The following SLC22A25 variants were observed in gnomAD, a reference collection of about 807,000 sequenced individuals.
The protein encoded by SLC22A25 is solute carrier family 22 member 25, also known as MGI:2442751, MGI:2385316, MGI:3042283, MGI:3645714, MGI:3605624, MGI:2442750.
In SLC22A25, 44 loss-of-function variants were observed where a neutral mutation model predicts 45.9. The ratio of observed to expected loss-of-function variants is 0.96; its 90% CI spans 0.75 to 1.23. The LOEUF is 1.23. Ranked by LOEUF, SLC22A25 falls within the 50% of genes most tolerant of loss-of-function variation. SLC22A25 has a pLI of 0.00. For synonymous variants in SLC22A25, 283 were observed against 238.6 expected, an observed-to-expected ratio of 1.19 and a Z score of -1.72; for missense variants, 800 against 666.4, an observed-to-expected ratio of 1.20 and a Z score of -2.21.
chr11:63,160,055 A>T lies in SLC22A25; in HGVS notation c.*3769T>A, dbSNP rs1199542840. On this transcript the variant is annotated 3_prime_UTR_variant, in exon 12 of 12. Coordinates refer to ENST00000306494, the MANE Select transcript of SLC22A25 (RefSeq NM_199352.6). ...GCAGTCAGTTTTAAAAGGGAAACTC[A>T]GCAAAAAAGTTTGAAAAATTTGCAG... Among the ~76,000 whole-genome samples, 1 of 152,224 alleles carries T rather than the reference A, an allele frequency of 6.6e-6. No homozygotes were observed. Among genetic ancestry groups the T allele is most frequent in the Non-Finnish European group, 1.5e-5 (1 of 68,054 alleles).
chr11:63,214,099 G>A (rs959885355), intron 7 of SLC22A25, among the ~76,000 whole-genome samples: 1 of 152,164 alleles, frequency 6.6e-6, no homozygotes, highest in Non-Finnish European at 1.5e-5. Flanking sequence ...TGGTCCAGGT[G>A]GTCCCCAGAT....
chr11:63,159,801 T>C lies in SLC22A25; in HGVS notation c.*4023A>G, dbSNP rs1171855077. ...ATGGCTTTGACTGAAATGCTGATAA[T>C]GATATGGAAAATGAAATCCAGGCTG... On this transcript the variant is annotated 3_prime_UTR_variant, in exon 12 of 12. Coordinates refer to ENST00000306494, the MANE Select transcript of SLC22A25 (RefSeq NM_199352.6). Among the ~76,000 whole-genome samples the C allele has an allele frequency of 6.6e-6, 1 of 152,178 alleles. No homozygotes were observed. The highest frequency in any genetic ancestry group is 1.5e-5 in the Non-Finnish European group (1 of 68,028).
chr11:63,184,583 T>G (rs985640365), intron 7 of SLC22A25, among the ~76,000 whole-genome samples: 2 of 152,162 alleles, frequency 1.3e-5, no homozygotes, highest in Non-Finnish European at 2.9e-5. Flanking sequence ...CGTTTTGCCT[T>G]TATGTTTTTA....
chr11:63,231,042 G>A (rs1590914451), intron 3 of SLC22A25, among the ~76,000 whole-genome samples: 1 of 152,146 alleles, frequency 6.6e-6, no homozygotes, highest in African/African-American at 2.4e-5. Context: ...TCTTAATCTA[G>A]TCTATCATTG....
intron 9 of SLC22A25, among the ~76,000 whole-genome samples, chr11:63,173,382 A>G (rs1272671786): frequency 6.6e-6 from 1 of 152,212 alleles, no homozygotes; most frequent in East Asian, 1.9e-4. Context: ...CTTAAAGTAT[A>G]ATTTTAAAAA....
At chr11:63,233,309 A>G (rs1054049819) in intron 3 of SLC22A25, among the ~76,000 whole-genome samples, 1 of 152,192 alleles carries the variant, frequency 6.6e-6, no homozygotes, top group Non-Finnish European at 1.5e-5. Context: ...CCTCAATTTC[A>G]GAGCCTGTTA....
At chr11:63,183,084 T>C (rs2088387700) in intron 8 of SLC22A25, among the ~76,000 whole-genome samples, 1 of 151,986 alleles carries the variant, frequency 6.6e-6, no homozygotes, top group East Asian at 1.9e-4. Context: ...TAATAATCCA[T>C]GGGGTGGAAA....
intron 7 of SLC22A25, among the ~76,000 whole-genome samples, chr11:63,211,808 T>C (rs1308093629): frequency 1.3e-5 from 2 of 151,862 alleles, no homozygotes; most frequent in Non-Finnish European, 2.9e-5. Context: ...AAAGCCAAAA[T>C]TGACAAATGG....
chr11:63,192,599 A>G (rs1358084596), intron 7 of SLC22A25, among the ~76,000 whole-genome samples: 2 of 152,248 alleles, frequency 1.3e-5, no homozygotes, highest in East Asian at 3.8e-4. Flanking sequence ...GATCCATCTC[A>G]CATGCAATAG....
chr11:63,158,862 CT>C lies in SLC22A25; in HGVS notation c.*4961del, dbSNP rs1013200581. 2.0e-5 allele frequency among the ~76,000 whole-genome samples: 3 copies of C among 152,044 alleles called. No homozygotes were observed. The highest frequency in any genetic ancestry group is 7.2e-5 in the African/African-American group (3 of 41,396). On this transcript the variant is annotated 3_prime_UTR_variant, in exon 12 of 12. Transcript: ENST00000306494. ...GATCTTATTCATTCTTTCCAACTTC[CT>C]TTTTTCCCCCCATTAACTATTCCCA...
At chr11:63,176,351 A>G (rs1027820227) in intron 9 of SLC22A25, among the ~76,000 whole-genome samples, 3 of 151,938 alleles carry the variant, frequency 2.0e-5, no homozygotes, top group African/African-American at 4.8e-5. Context: ...ATTCATGCAT[A>G]TATCTTTTCA....
At chr11:63,235,262 C>T (rs1280701239) in intron 3 of SLC22A25, among the ~76,000 whole-genome samples, 1 of 152,202 alleles carries the variant, frequency 6.6e-6, no homozygotes, top group Non-Finnish European at 1.5e-5. Flanking sequence ...TCCATTCTCC[C>T]CGTCACTTTC....
Position 63,183,774 on chromosome 11 carries a change from G to T in SLC22A25, c.874C>A (p.Pro292Thr). The change falls in exon 8 of 12, where the codon CCA (proline) becomes ACA (threonine). Residue 292 changes from proline (P) to threonine (T), a missense_variant. Coordinates refer to ENST00000306494, the MANE Select transcript of SLC22A25 (RefSeq NM_199352.6). ...CTAAGTTCCTTTAAGCCCTCTTCTG[G>T]TTTGTTGTTGATAATGAGCCACCGA... is the stretch of plus-strand genomic sequence containing the variant. ...SARWLIINNK[P>T]EEGLKELRKA... 1 of 1,613,080 alleles carries T rather than the reference G, an allele frequency of 6.2e-7. No individual in the cohort carries two copies. Among genetic ancestry groups the T allele is most frequent in the Non-Finnish European group, 8.5e-7 (1 of 1,179,376 alleles).
rs775578803 is a variant in SLC22A25, at chr11:63,229,570, T to A, written c.83A>T (p.Asn28Ile). 2 of 1,613,998 alleles carry A rather than the reference T, an allele frequency of 1.2e-6. No individual in the cohort carries two copies. The highest frequency in any genetic ancestry group is 2.2e-5 in the South Asian group (2 of 91,070). Reference protein sequence around the residue: ...ILQMVFLIMFNVIVYHQTQLE... With the variant: ...ILQMVFLIMFIVIVYHQTQLE... Reference sequence around the variant, plus strand: ...CTGAGTTTGATGGTATACTATGACGTTGAACATTATAAGGAAAACCATCTG... The same window carrying A: ...CTGAGTTTGATGGTATACTATGACGATGAACATTATAAGGAAAACCATCTG... The change falls in exon 4 of 12, where the codon AAC becomes ATC. Residue 28 changes from asparagine to isoleucine, a missense_variant. By Grantham distance (149) the Asn-to-Ile change is moderately radical. Transcript: ENST00000306494.
intron 9 of SLC22A25, among the ~76,000 whole-genome samples, chr11:63,180,298 TA>T (rs975897555): frequency 2.9e-4 from 44 of 152,302 alleles, no homozygotes; most frequent in African/African-American, 1.1e-3. Flanking sequence ...TAGATATTAA[TA>T]ACTGGTAATA....
intron 9 of SLC22A25, among the ~76,000 whole-genome samples, chr11:63,177,324 T>C (rs2088126045): frequency 6.6e-6 from 1 of 150,788 alleles, no homozygotes; most frequent in African/African-American, 2.4e-5. Context: ...AATTGGGATA[T>C]CCATTATCTC....
chr11:63,219,954 T>C (rs55885734), intron 5 of SLC22A25: 3 of 1,289,306 alleles, frequency 2.3e-6, no homozygotes, highest in Admixed American at 4.6e-5. Context: ...TGCTGGTGGA[T>C]GGCAATGGGC....
chr11:63,173,587 T>C (rs2087970393), intron 9 of SLC22A25, among the ~76,000 whole-genome samples: 1 of 152,174 alleles, frequency 6.6e-6, no homozygotes. Context: ...AGAGAAAAAC[T>C]TGGAGCCATC....
chr11:63,234,854 A>T (rs918700559), intron 3 of SLC22A25, among the ~76,000 whole-genome samples: 1 of 152,116 alleles, frequency 6.6e-6, no homozygotes, highest in South Asian at 2.1e-4. Flanking sequence ...CTCTCTCAGC[A>T]TTTGCTTGTG....
Sources: allele counts gnomAD v4.1 joint callset (sites outside exome capture counted in the v4.1 genomes callset), GRCh38; gene constraint gnomAD v4.1.1; transcripts MANE v1.5; gene names NCBI Gene and HGNC (gene_info 2026-07-23, HGNC 2026-07-21).